NEXMIF: variants seen among roughly 807,000 people sequenced by gnomAD.
NEXMIF encodes XLMR protein related to neurite extension.
In NEXMIF, 8 loss-of-function variants were observed where a neutral mutation model predicts 62.1. The ratio of observed to expected loss-of-function variants is 0.13; its 90% CI spans 0.08 to 0.23. The LOEUF (loss-of-function observed/expected upper bound fraction) is 0.23. Ranked by LOEUF, NEXMIF falls within the 10% of genes least tolerant of loss-of-function variation. The probability of loss-of-function intolerance (pLI) is 1.00; values close to 1 mark genes in which losing one functional copy is unlikely to be tolerated. For missense variants in NEXMIF, 976 were observed against 1,113.3 expected (o/e 0.88, Z 1.75); for synonymous variants, 404 against 416.6 (o/e 0.97, Z 0.37).
intron 1 of NEXMIF, among the ~76,000 whole-genome samples, chrX:74,764,602 C>G (rs1039310448): frequency 1.8e-5 from 2 of 111,396 alleles, no homozygotes; most frequent in African/African-American, 6.5e-5. Flanking sequence ...TGGTCCTGGA[C>G]TTTTTTTGGT....
intron 1 of NEXMIF, among the ~76,000 whole-genome samples, chrX:74,803,044 C>T (rs1259578427): frequency 9.1e-6 from 1 of 110,104 alleles, no homozygotes; most frequent in Non-Finnish European, 1.9e-5. Context: ...GAATGAAAAA[C>T]AATTAAGCAC....
chrX:74,883,494 C>T (rs185450532), intron 1 of NEXMIF, among the ~76,000 whole-genome samples: 53 of 108,904 alleles, frequency 4.9e-4, no homozygotes, highest in Admixed American at 9.6e-4. Flanking sequence ...AATTACGTGA[C>T]GAATGCACAA....
chrX:74,818,053 T>C (rs1298379181), intron 1 of NEXMIF, among the ~76,000 whole-genome samples: 3 of 110,524 alleles, frequency 2.7e-5, no homozygotes, highest in Non-Finnish European at 3.8e-5. Context: ...AAAGATTCAA[T>C]GCTATTCCTA....
chrX:74,799,535 G>A (rs1385827450), intron 1 of NEXMIF, among the ~76,000 whole-genome samples: 2 of 112,377 alleles, frequency 1.8e-5, no homozygotes, highest in African/African-American at 6.5e-5. Flanking sequence ...AGCAGCACAT[G>A]CATGCATGCA....
chrX:74,834,759 T>G (rs2080450662), intron 1 of NEXMIF, among the ~76,000 whole-genome samples: 1 of 111,470 alleles, frequency 9.0e-6, no homozygotes, highest in African/African-American at 3.3e-5. Context: ...TTAGGAGGTT[T>G]GATTATTAGA....
intron 1 of NEXMIF, among the ~76,000 whole-genome samples, chrX:74,746,571 T>C (rs1266038569): frequency 9.0e-6 from 1 of 111,721 alleles, no homozygotes; most frequent in Non-Finnish European, 1.9e-5. Context: ...AAAAAGCATA[T>C]GGTATTGATA....
intron 1 of NEXMIF, among the ~76,000 whole-genome samples, chrX:74,835,572 A>G (rs1569352307): frequency 9.0e-6 from 1 of 111,712 alleles, no homozygotes; most frequent in Non-Finnish European, 1.9e-5. Flanking sequence ...TTTCTGGATG[A>G]CCAGAAAGGA....
chrX:74,826,702 G>C (rs2080418989), intron 1 of NEXMIF, among the ~76,000 whole-genome samples: 1 of 110,147 alleles, frequency 9.1e-6, no homozygotes, highest in Non-Finnish European at 1.9e-5. Flanking sequence ...CCAATGTATT[G>C]TAGTTTCCCC....
At chrX:74,766,056 A>G (rs1215108536) in intron 1 of NEXMIF, among the ~76,000 whole-genome samples, 5 of 107,922 alleles carry the variant, frequency 4.6e-5, no homozygotes, top group African/African-American at 1.7e-4. Flanking sequence ...AAAAAAAAAA[A>G]AATGTTGAAT....
intron 1 of NEXMIF, among the ~76,000 whole-genome samples, chrX:74,784,338 T>C (rs1414867249): frequency 9.0e-6 from 1 of 111,306 alleles, no homozygotes; most frequent in Non-Finnish European, 1.9e-5. Flanking sequence ...TCCCAAGAAA[T>C]ATATAGCTAT....
intron 1 of NEXMIF, among the ~76,000 whole-genome samples, chrX:74,762,055 C>A (rs2080178081): frequency 9.1e-6 from 1 of 110,377 alleles, no homozygotes; most frequent in Non-Finnish European, 1.9e-5. Context: ...TATTGGTGTA[C>A]TGCACCCATT....
chrX:74,847,599 A>G (rs2147492425), intron 1 of NEXMIF, among the ~76,000 whole-genome samples: 1 of 111,750 alleles, frequency 8.9e-6, no homozygotes, highest in African/African-American at 3.2e-5. Context: ...TTGGAAAGGG[A>G]CAGCATGAAT....
At chrX:74,870,458 A>G (rs776957812) in intron 1 of NEXMIF, among the ~76,000 whole-genome samples, 5 of 111,740 alleles carry the variant, frequency 4.5e-5, no homozygotes, top group Admixed American at 2.9e-4. Context: ...CAAAGCAAAA[A>G]TGGACAAATG....
Position 74,740,407 on chromosome X carries a change from C to T in NEXMIF, c.4150G>A (p.Gly1384Arg), listed in dbSNP as rs368234158. The T allele has an allele frequency of 8.3e-6, 10 of 1,209,421 alleles. No individual in the cohort carries two copies. The highest frequency in any genetic ancestry group is 3.5e-5 in the African/African-American group (2 of 56,962). The change falls in exon 3 of 4, where the codon GGG becomes AGG. Residue 1384 changes from glycine (G) to arginine (R), a missense_variant. Around this residue, in one of 5 missense-constraint regions of NEXMIF, gnomAD observed 137 missense variants for 128.9 expected, o/e 1.06. Coordinates refer to ENST00000055682, the MANE Select transcript of NEXMIF (RefSeq NM_001008537.3). The part of the protein sequence containing the change: ...PQESKKKINS[G>R]SQGATKNHRS... ...TGATTCTTAGTGGCTCCTTGGGACC[C>T]ACTGTTGATCTTTTTCTTAGACTCC... is the stretch of plus-strand genomic sequence containing the variant.
intron 1 of NEXMIF, among the ~76,000 whole-genome samples, chrX:74,761,520 T>C (rs1213692627): frequency 1.8e-5 from 2 of 111,894 alleles, no homozygotes; most frequent in Non-Finnish European, 3.8e-5. Context: ...GAGGTGTTTG[T>C]AGTAGTCTCT....
intron 1 of NEXMIF, among the ~76,000 whole-genome samples, chrX:74,888,919 A>G (rs2080707575): frequency 1.8e-5 from 2 of 111,541 alleles, no homozygotes; most frequent in Admixed American, 9.6e-5. Flanking sequence ...CTGATGGTGG[A>G]AGAAGTGTAG....
intron 1 of NEXMIF, among the ~76,000 whole-genome samples, chrX:74,892,162 C>T (rs1254778028): frequency 8.9e-6 from 1 of 112,295 alleles, no homozygotes; most frequent in Admixed American, 9.5e-5. Flanking sequence ...TATCATTGGA[C>T]AGCCCTACAG....
chrX:74,765,357 A>G (rs778288446), intron 1 of NEXMIF, among the ~76,000 whole-genome samples: 2 of 111,682 alleles, frequency 1.8e-5, no homozygotes, highest in Non-Finnish European at 3.8e-5. Context: ...ATGGCTTATC[A>G]TTGGGTCTTG....
chrX:74,784,968 C>A (rs972396066), intron 1 of NEXMIF, among the ~76,000 whole-genome samples: 9 of 111,504 alleles, frequency 8.1e-5, no homozygotes, highest in African/African-American at 2.6e-4. Flanking sequence ...GCTTCCCCGG[C>A]AGAAAACACT....
Sources: gnomAD v4.1 joint callset for allele counts (sites outside exome capture counted in the v4.1 genomes callset) on GRCh38, gnomAD v4.1.1 for gene constraint, gnomAD v4.1.1 regional missense constraint, MANE v1.5 for transcripts, NCBI Gene and HGNC (gene_info 2026-07-23, HGNC 2026-07-21) for gene names.